Variants in ARHGAP6 observed in about 807,000 individuals in gnomAD.
The protein encoded by ARHGAP6 is rho GTPase-activating protein 6.
Under a neutral mutation model 55.7 loss-of-function variants are expected in ARHGAP6, and 16 were observed. The ratio of observed to expected loss-of-function variants is 0.29; its 90% confidence interval spans 0.19 to 0.44. ARHGAP6 has a LOEUF of 0.44. Ranked by LOEUF, ARHGAP6 falls within the 20% of genes least tolerant of loss-of-function variation. ARHGAP6 has a pLI of 1.00. For synonymous variants in ARHGAP6, 382 were observed against 360.9 expected (o/e 1.06, Z -0.66); for missense variants, 698 against 808.9 (o/e 0.86, Z 1.66).
chrX:11,596,977 C>G (rs1420621988), intron 1 of ARHGAP6, among the ~76,000 whole-genome samples: 1 of 111,427 alleles, frequency 9.0e-6, no homozygotes, highest in African/African-American at 3.3e-5. Context: ...TTTCTTGGGA[C>G]CTTCTGTTTT....
intron 2 of ARHGAP6, among the ~76,000 whole-genome samples, chrX:11,219,283 A>G (rs1314981073): frequency 9.6e-6 from 1 of 104,265 alleles, no homozygotes; most frequent in African/African-American, 3.6e-5. Context: ...AATCCAGTCT[A>G]TCATTGTTGG....
At chrX:11,194,792 T>C (rs2046508019) in intron 3 of ARHGAP6, among the ~76,000 whole-genome samples, 1 of 111,872 alleles carries the variant, frequency 8.9e-6, no homozygotes, top group Non-Finnish European at 1.9e-5. Context: ...AAGAACCAAA[T>C]GTCATGACTG....
intron 1 of ARHGAP6, among the ~76,000 whole-genome samples, chrX:11,422,614 G>C (rs2049835208): frequency 8.9e-6 from 1 of 112,434 alleles, no homozygotes; most frequent in East Asian, 2.8e-4. Flanking sequence ...AGGTGACAGG[G>C]AAGTGAGGAA....
intron 1 of ARHGAP6, among the ~76,000 whole-genome samples, chrX:11,538,916 G>A (rs764572100): frequency 5.6e-5 from 6 of 106,841 alleles, no homozygotes; most frequent in African/African-American, 1.7e-4. Context: ...CTGCAGTGGC[G>A]TGATCTCAAT....
chrX:11,240,669 T>C lies in ARHGAP6; in HGVS notation c.748+13879A>G, dbSNP rs775658088. Among the ~76,000 whole-genome samples, 4 of 111,503 alleles carry C rather than the reference T, an allele frequency of 3.6e-5. No homozygotes were observed. The East Asian group carries it at 1.1e-3, about 31-fold the overall frequency. On this transcript the variant is annotated intron_variant, in intron 2 of 12. Coordinates refer to ENST00000337414, the MANE Select transcript of ARHGAP6 (RefSeq NM_013427.3). ...AGGTGAGATTCTGAGCTAGGTGCTA[T>C]GAACCCAGATGAATGAATGCTATCT...
At chrX:11,520,131 TTATATATATATATATATATATATATATA>T (rs1160731443) in intron 1 of ARHGAP6, among the ~76,000 whole-genome samples, 20 of 18,254 alleles carry the variant, frequency 1.1e-3, no homozygotes, top group East Asian at 7.5e-3. Context: ...AGAATTGATT[TTATATATATATATATATATATATATATA>T]TATATATATA....
At chrX:11,441,418 G>A (rs1311750781) in intron 1 of ARHGAP6, among the ~76,000 whole-genome samples, 1 of 111,598 alleles carries the variant, frequency 9.0e-6, no homozygotes, top group Non-Finnish European at 1.9e-5. Flanking sequence ...GGACATCACG[G>A]GGCAGAATAA....
intron 1 of ARHGAP6, among the ~76,000 whole-genome samples, chrX:11,514,802 C>G (rs189441478): frequency 4.9e-4 from 54 of 109,130 alleles, no homozygotes; most frequent in African/African-American, 1.8e-3. Flanking sequence ...AACTGAATCT[C>G]CCTAATATTG....
chrX:11,256,742 A>T (rs1413991957), intron 1 of ARHGAP6, among the ~76,000 whole-genome samples: 3 of 111,905 alleles, frequency 2.7e-5, no homozygotes, highest in African/African-American at 9.8e-5. Context: ...GCCAGGAAAG[A>T]CCTCACTGAG....
chrX:11,601,256 G>C (rs1243924079), intron 1 of ARHGAP6, among the ~76,000 whole-genome samples: 1 of 111,373 alleles, frequency 9.0e-6, no homozygotes, highest in Non-Finnish European at 1.9e-5. Context: ...TATGGGAAGG[G>C]AGCCATTATG....
chrX:11,465,335 T>G (rs1373138149), intron 1 of ARHGAP6, among the ~76,000 whole-genome samples: 1 of 111,786 alleles, frequency 8.9e-6, no homozygotes, highest in Non-Finnish European at 1.9e-5. Context: ...CCCAAGACAC[T>G]CTCATTTTAT....
At chrX:11,541,787 C>T (rs2051160360) in intron 1 of ARHGAP6, among the ~76,000 whole-genome samples, 2 of 112,152 alleles carry the variant, frequency 1.8e-5, no homozygotes, top group South Asian at 7.4e-4. Context: ...CCTCAATTTC[C>T]TTATCTGTGA....
intron 1 of ARHGAP6, among the ~76,000 whole-genome samples, chrX:11,450,542 T>C (rs1201049553): frequency 2.7e-5 from 3 of 111,692 alleles, no homozygotes; most frequent in Non-Finnish European, 5.6e-5. Context: ...CTGCCCTTTG[T>C]AATGCACGTT....
intron 1 of ARHGAP6, among the ~76,000 whole-genome samples, chrX:11,411,271 A>G (rs2049684757): frequency 1.1e-5 from 1 of 93,581 alleles, no homozygotes; most frequent in Non-Finnish European, 2.1e-5. Flanking sequence ...TTATATGTTT[A>G]CGTTAGATTT....
intron 1 of ARHGAP6, among the ~76,000 whole-genome samples, chrX:11,275,732 A>C (rs1569281916): frequency 9.0e-6 from 1 of 111,657 alleles, no homozygotes; most frequent in Admixed American, 9.5e-5. Context: ...GGCTTCACCA[A>C]GCCTCACTTA....
intron 1 of ARHGAP6, among the ~76,000 whole-genome samples, chrX:11,442,110 AGT>A (rs1325218182): frequency 9.0e-6 from 1 of 111,449 alleles, no homozygotes; most frequent in Non-Finnish European, 1.9e-5. Flanking sequence ...CATTTACAGC[AGT>A]GTCTTTAAAA....
chrX:11,620,602 G>T (rs189426436), intron 1 of ARHGAP6, among the ~76,000 whole-genome samples: 1 of 112,227 alleles, frequency 8.9e-6, no homozygotes, highest in Non-Finnish European at 1.9e-5. Context: ...GCTTAAAGCT[G>T]GACTGGATTT....
chrX:11,243,812 T>C (rs1410850033), intron 2 of ARHGAP6, among the ~76,000 whole-genome samples: 1 of 112,392 alleles, frequency 8.9e-6, no homozygotes, highest in Non-Finnish European at 1.9e-5. Context: ...GATACATAGA[T>C]ACCTACCATT....
At chrX:11,277,078 G>A (rs1335721601) in intron 1 of ARHGAP6, among the ~76,000 whole-genome samples, 1 of 110,504 alleles carries the variant, frequency 9.0e-6, no homozygotes, top group African/African-American at 3.3e-5. Flanking sequence ...TCTACTTTCT[G>A]TCTCTATGGT....
Sources: gnomAD v4.1 joint callset for allele counts (sites outside exome capture counted in the v4.1 genomes callset) on GRCh38, gnomAD v4.1.1 for gene constraint, MANE v1.5 for transcripts, NCBI Gene and HGNC (gene_info 2026-07-23, HGNC 2026-07-21) for gene names.